Variants in EEF2K observed in about 807,000 individuals in gnomAD.
The protein encoded by EEF2K is eukaryotic elongation factor 2 kinase.
In EEF2K, 70 loss-of-function variants were observed where a neutral mutation model predicts 93.8. The observed-to-expected ratio is 0.75, with a 90% confidence interval of 0.62 to 0.91. The LOEUF (loss-of-function observed/expected upper bound fraction) is 0.91, where lower values mean the gene tolerates loss of function less well. EEF2K is among the 40% of genes least tolerant of loss of function. EEF2K has a pLI of 0.00. For synonymous variants in EEF2K, 376 were observed against 380.8 expected (o/e 0.99, Z 0.15); for missense variants, 935 against 972.9 (o/e 0.96, Z 0.52).
chr16:22,273,871 C>T, intron 16 of EEF2K, 121 bp downstream of exon 16: 2 of 1,422,510 alleles, frequency 1.4e-6, no homozygotes, highest in Non-Finnish European at 1.9e-6. Flanking sequence ...GTCCAGCAAC[C>T]ATGGGCAACT....
In EEF2K at chr16:22,267,369, G is replaced by C. The variant is rs1178237589; in HGVS notation, c.1764+493G>C. On this transcript the variant is annotated intron_variant, in intron 15 of 17. Transcript: ENST00000263026. ...GCACTTTGGGAGGTTGAGGCGGGTG[G>C]ATCACATGAGGCCAGGAGATCGAGA... is the stretch of plus-strand genomic sequence containing the variant. 2.0e-5 allele frequency among the ~76,000 whole-genome samples: 3 copies of C among 152,114 alleles called. No individual in the cohort carries two copies. The East Asian group carries it at 5.8e-4, about 29-fold the overall frequency.
In EEF2K at chr16:22,260,348, C is replaced by T. The variant is rs1452187266; in HGVS notation, c.1232-114C>T. The T allele has an allele frequency of 4.3e-5, 42 of 980,118 alleles. No homozygotes were observed. The South Asian group carries it at 5.9e-4, about 14-fold the overall frequency. The allele number at this position is 980,118 out of a possible 1,614,324, so 60.7% of individuals were successfully genotyped here. On this transcript the variant is annotated intron_variant, in intron 10 of 17. Coordinates refer to ENST00000263026, the MANE Select transcript of EEF2K (RefSeq NM_013302.5). ...TCCTTTTTTGTGCCTTTCTTTAAAG[C>T]TTAAAAAAAAAAAAAGGCTTGGTGG...
chr16:22,266,417 A>C lies in EEF2K; in HGVS notation c.1468A>C (p.Asn490His), dbSNP rs2047518884. Residue 490 changes from asparagine (N) to histidine (H), a missense_variant, in exon 14 of 18, where the codon AAC becomes CAC. By Grantham distance (68) the Asn-to-His change is moderately conservative. Transcript: ENST00000263026. ...ATGTGTAGAGAAGTGGAATCTCCTC[A>C]ACTCCTCCCGCCTCCACCTGCCGAG... is the stretch of plus-strand genomic sequence containing the variant. ...RVCVEKWNLL[N>H]SSRLHLPRAS... is the part of the protein sequence containing the mutation. 6.2e-7 allele frequency: 1 copy of C among 1,613,928 alleles called. No homozygotes were observed. The highest frequency in any genetic ancestry group is 1.7e-5 in the Admixed American group (1 of 59,976).
chr16:22,242,330 CTT>C lies in EEF2K; in HGVS notation c.247-2293_247-2292del, dbSNP rs1183617140. Among the ~76,000 whole-genome samples the C allele has an allele frequency of 4.0e-5, 6 of 151,640 alleles. No individual in the cohort carries two copies. The East Asian group carries it at 5.8e-4, about 15-fold the overall frequency. The stretch of plus-strand genomic sequence containing the variant: ...GGCTGAGTCCTTGGGAAGCTGGACT[CTT>C]TTTTTTGGGTACAGAGTCTTGCTCT... On this transcript the variant is annotated intron_variant, in intron 2 of 17. Coordinates refer to ENST00000263026, the MANE Select transcript of EEF2K (RefSeq NM_013302.5).
intron 1 of EEF2K, among the ~76,000 whole-genome samples, chr16:22,215,602 A>T (rs557287177): frequency 6.6e-6 from 1 of 152,264 alleles, no homozygotes; most frequent in South Asian, 2.1e-4. Context: ...TGCTTGACTT[A>T]ATCACTCCTA....
At chr16:22,220,626 G>A (rs569364976) in intron 1 of EEF2K, among the ~76,000 whole-genome samples, 3 of 152,122 alleles carry the variant, frequency 2.0e-5, no homozygotes, top group East Asian at 3.9e-4. Context: ...GTATTTTTTC[G>A]TAGAGACAGG....
chr16:22,227,970 C>G (rs2047079256), intron 2 of EEF2K, among the ~76,000 whole-genome samples: 1 of 148,972 alleles, frequency 6.7e-6, no homozygotes, highest in East Asian at 2.0e-4. Context: ...TTACAGCCAT[C>G]CTATGTAGTT....
At chr16:22,277,687 G>A (rs1323520825) in intron 16 of EEF2K, among the ~76,000 whole-genome samples, 4 of 152,196 alleles carry the variant, frequency 2.6e-5, no homozygotes, top group African/African-American at 9.6e-5. Flanking sequence ...AAGAAACAGT[G>A]TTTGGGGGCA....
intron 1 of EEF2K, among the ~76,000 whole-genome samples, chr16:22,220,492 C>T (rs922970008): frequency 1.3e-5 from 2 of 152,024 alleles, no homozygotes; most frequent in Non-Finnish European, 2.9e-5. Flanking sequence ...GCTCTGTTGC[C>T]CAGGCAGTGG....
intron 15 of EEF2K, among the ~76,000 whole-genome samples, chr16:22,273,413 T>G (rs1160055322): frequency 6.6e-6 from 1 of 152,062 alleles, no homozygotes; most frequent in Non-Finnish European, 1.5e-5. Context: ...AAAAGCTGTT[T>G]TCCCACCCCA....
chr16:22,231,998 CAAAAAAAA>C (rs35198909), intron 2 of EEF2K, among the ~76,000 whole-genome samples: 1 of 65,988 alleles, frequency 1.5e-5, no homozygotes, highest in Admixed American at 2.0e-4. Flanking sequence ...CTTAAACAAA[CAAAAAAAA>C]AAAAAAAAAA....
chr16:22,248,671 C>T, intron 3 of EEF2K, 84 bp from the exon 4 acceptor site: 3 of 1,543,390 alleles, frequency 1.9e-6, no homozygotes, highest in South Asian at 2.3e-5. Context: ...CAGTGGGGAG[C>T]CCAGAAGGGT....
chr16:22,214,385 T>A (rs550582919), intron 1 of EEF2K, among the ~76,000 whole-genome samples: 1 of 151,836 alleles, frequency 6.6e-6, no homozygotes, highest in East Asian at 1.9e-4. Flanking sequence ...GAGGCTGCCG[T>A]GAGCCATGAT....
At chr16:22,246,452 G>A (rs2047292180) in intron 3 of EEF2K, among the ~76,000 whole-genome samples, 1 of 147,672 alleles carries the variant, frequency 6.8e-6, no homozygotes, top group Admixed American at 6.8e-5. Flanking sequence ...GGAGACAGAG[G>A]TTGCAGTGAG....
intron 16 of EEF2K, among the ~76,000 whole-genome samples, chr16:22,275,006 AC>A (rs1467498951): frequency 1.3e-5 from 2 of 152,238 alleles, no homozygotes; most frequent in African/African-American, 4.8e-5. Context: ...GAGCCAACTT[AC>A]ATCTTCTCAC....
chr16:22,242,925 C>A (rs1363236650), intron 2 of EEF2K, among the ~76,000 whole-genome samples: 1 of 151,792 alleles, frequency 6.6e-6, no homozygotes, highest in Non-Finnish European at 1.5e-5. Flanking sequence ...CCTGTCCCTA[C>A]AGAAAATTAA....
intron 2 of EEF2K, among the ~76,000 whole-genome samples, chr16:22,240,796 G>A (rs1446732125): frequency 6.6e-6 from 1 of 152,026 alleles, no homozygotes; most frequent in Non-Finnish European, 1.5e-5. Context: ...TTGAGATGGA[G>A]TCTCACTGTG....
At chr16:22,272,572 G>A (rs140609633) in intron 15 of EEF2K, among the ~76,000 whole-genome samples, 4 of 152,124 alleles carry the variant, frequency 2.6e-5, no homozygotes, top group Admixed American at 6.5e-5. Context: ...ACAGTTAAGC[G>A]GTATGAGATT....
chr16:22,226,131 T>G lies in EEF2K; in HGVS notation c.246+156T>G, dbSNP rs138333595. ...ATATACTTGTTAAGCAGGGAGGGTA[T>G]TATTGATTTAAAATAAATTTCATTA... On this transcript the variant is annotated intron_variant, in intron 2 of 17. Coordinates refer to ENST00000263026, the MANE Select transcript of EEF2K (RefSeq NM_013302.5). Among the ~76,000 whole-genome samples, 127 of 152,220 alleles carry G rather than the reference T, an allele frequency of 8.3e-4. No individual in the cohort carries two copies. In the East Asian group the frequency reaches 0.023, roughly 27 times the overall value.
Sources: gnomAD v4.1 joint callset for allele counts (sites outside exome capture counted in the v4.1 genomes callset) on GRCh38, gnomAD v4.1.1 for gene constraint, MANE v1.5 for transcripts, NCBI Gene and HGNC (gene_info 2026-07-23, HGNC 2026-07-21) for gene names.